Variants in GPHN observed in about 807,000 individuals in gnomAD.
The protein encoded by GPHN is gephyrin.
Under a neutral mutation model 95.5 loss-of-function variants are expected in GPHN, and 17 were observed. That is an observed-to-expected ratio of 0.18 (90% CI 0.12 to 0.27). GPHN has a LOEUF of 0.27. GPHN is among the 10% of genes least tolerant of loss of function. The pLI, the probability that GPHN is intolerant of heterozygous loss-of-function variation, is 1.00. For missense variants in GPHN, 660 were observed against 978.1 expected (o/e 0.67, Z 4.34); for synonymous variants, 320 against 322.5 (o/e 0.99, Z 0.08).
At chr14:66,776,657 A>G in intron 3 of GPHN, 136 bp downstream of exon 3, 1 of 697,974 alleles carries the variant, frequency 1.4e-6, no homozygotes, top group Non-Finnish European at 2.6e-6. Flanking sequence ...ATAGTGAATT[A>G]AAAATTTATA....
intron 10 of GPHN, among the ~76,000 whole-genome samples, chr14:67,046,284 C>G (rs1263760647): frequency 6.6e-6 from 1 of 152,050 alleles, no homozygotes; most frequent in South Asian, 2.1e-4. Context: ...TGAGCACTTT[C>G]TTACTGAAAA....
intron 5 of GPHN, among the ~76,000 whole-genome samples, chr14:66,907,500 G>A (rs917762445): frequency 3.3e-5 from 5 of 152,070 alleles, no homozygotes; most frequent in African/African-American, 9.7e-5. Flanking sequence ...GTAGAAATAC[G>A]GAAACATGAC....
chr14:66,689,457 G>C (rs943754300), intron 2 of GPHN, among the ~76,000 whole-genome samples: 1 of 152,134 alleles, frequency 6.6e-6, no homozygotes, highest in African/African-American at 2.4e-5. Context: ...CTGTTTGCTA[G>C]TATGTGGTTG....
At chr14:67,000,192 C>G (rs2072119742) in intron 9 of GPHN, among the ~76,000 whole-genome samples, 1 of 151,724 alleles carries the variant, frequency 6.6e-6, no homozygotes, top group African/African-American at 2.4e-5. Context: ...CTGATCTAAA[C>G]AAACTTGGAC....
At chr14:66,943,868 A>T (rs1036442632) in intron 8 of GPHN, among the ~76,000 whole-genome samples, 1 of 152,206 alleles carries the variant, frequency 6.6e-6, no homozygotes, top group South Asian at 2.1e-4. Flanking sequence ...GAAAACATGC[A>T]GCTTCTAAAA....
chr14:66,655,012 T>G (rs538355478), intron 1 of GPHN, among the ~76,000 whole-genome samples: 21 of 152,320 alleles, frequency 1.4e-4, no homozygotes, highest in African/African-American at 4.1e-4. Flanking sequence ...CACACAGTCT[T>G]TATTATTATA....
At chr14:67,631,193 C>A in the GPHN span, among the ~76,000 whole-genome samples, 2 of 152,172 alleles carry the variant, frequency 1.3e-5, no homozygotes, top group East Asian at 3.8e-4. Flanking sequence ...TTCTTCAGAG[C>A]CAACTTCCTG....
At chr14:67,692,626 G>C in the GPHN span, 2 of 1,516,306 alleles carry the variant, frequency 1.3e-6, no homozygotes, top group African/African-American at 2.8e-5. Context: ...GAAATGGTCA[G>C]CTCTGTTTTT....
chr14:67,597,790 G>A, the GPHN span, among the ~76,000 whole-genome samples: 2 of 148,224 alleles, frequency 1.3e-5, no homozygotes, highest in Non-Finnish European at 3.0e-5. Context: ...AAGCACACAG[G>A]AATATCCCAT....
At chr14:67,025,078 G>A (rs1333511689) in intron 10 of GPHN, among the ~76,000 whole-genome samples, 2 of 152,098 alleles carry the variant, frequency 1.3e-5, no homozygotes, top group Non-Finnish European at 2.9e-5. Context: ...AGTGAGATAA[G>A]TCTCGCATTA....
chr14:67,010,500 C>T (rs1235561764), intron 9 of GPHN, among the ~76,000 whole-genome samples: 1 of 144,678 alleles, frequency 6.9e-6, no homozygotes, highest in East Asian at 2.0e-4. Flanking sequence ...TGCAGTGAGC[C>T]GAGATCATGC....
chr14:67,489,783 G>A, the GPHN span, among the ~76,000 whole-genome samples: 13 of 152,192 alleles, frequency 8.5e-5, no homozygotes, highest in African/African-American at 3.1e-4. Flanking sequence ...GAGGTCAGGA[G>A]ATCGAGACCA....
the GPHN span, among the ~76,000 whole-genome samples, chr14:67,351,825 CTTTTT>C: frequency 6.9e-6 from 1 of 144,766 alleles, no homozygotes; most frequent in Non-Finnish European, 1.5e-5. Context: ...CTAGTATTAA[CTTTTT>C]TTTTTAAGTT....
At chr14:66,937,459 C>T (rs1427433238) in intron 8 of GPHN, among the ~76,000 whole-genome samples, 1 of 151,912 alleles carries the variant, frequency 6.6e-6, no homozygotes, top group African/African-American at 2.4e-5. Context: ...CAGCTCACTG[C>T]AACCTCCACT....
chr14:67,150,469 A>C (rs930867301), intron 18 of GPHN, among the ~76,000 whole-genome samples: 11 of 151,170 alleles, frequency 7.3e-5, no homozygotes, highest in Non-Finnish European at 1.3e-4. Flanking sequence ...AAAAAAAAAA[A>C]AAAACATTGT....
At chr14:67,115,473 C>T (rs935578882) in intron 16 of GPHN, among the ~76,000 whole-genome samples, 2 of 152,286 alleles carry the variant, frequency 1.3e-5, no homozygotes, top group Admixed American at 1.3e-4. Flanking sequence ...TTGCTCACAC[C>T]TGTAATCCCA....
the GPHN span, among the ~76,000 whole-genome samples, chr14:67,285,412 G>C: frequency 1.4e-5 from 2 of 146,158 alleles, no homozygotes; most frequent in Non-Finnish European, 3.0e-5. Flanking sequence ...TGTCGCCCAG[G>C]CTGGAGTGCA....
intron 5 of GPHN, among the ~76,000 whole-genome samples, chr14:66,910,644 A>G (rs2153555059): frequency 6.6e-6 from 1 of 152,160 alleles, no homozygotes; most frequent in Non-Finnish European, 1.5e-5. Context: ...ATATGTATAT[A>G]TATGTCTCTA....
In GPHN at chr14:67,069,012, G is replaced by A. The variant is rs183359175; in HGVS notation, c.1144+10226G>A. On this transcript the variant is annotated intron_variant, in intron 11 of 22. Coordinates refer to ENST00000478722, the MANE Select transcript of GPHN (RefSeq NM_020806.5). ...GTTCAGGGGCTGTTAGAGAATAAGG[G>A]AAAAGGAAATAAGGTATACTTAGAA... 6.0e-3 allele frequency among the ~76,000 whole-genome samples: 917 copies of A among 152,140 alleles called. 13 individuals are homozygous for A. The highest frequency in any genetic ancestry group is 0.021 in the African/African-American group (872 of 41,532).
Sources: allele counts gnomAD v4.1 joint callset (sites outside exome capture counted in the v4.1 genomes callset), GRCh38; gene constraint gnomAD v4.1.1; transcripts MANE v1.5; gene names NCBI Gene and HGNC (gene_info 2026-07-23, HGNC 2026-07-21).